Variants in ZBTB20 observed in about 807,000 individuals in gnomAD.
ZBTB20 encodes zinc finger and BTB domain-containing protein 20.
A neutral mutation model predicts 56.9 loss-of-function variants in ZBTB20; 9 were observed. That is an observed-to-expected ratio of 0.16 (90% CI 0.10 to 0.28). ZBTB20 has a LOEUF of 0.28. Among genes scored for constraint, ZBTB20 ranks in the 10% least tolerant of loss-of-function variants. The probability of loss-of-function intolerance (pLI) is 1.00; values close to 1 mark genes in which losing one functional copy is unlikely to be tolerated. For synonymous variants in ZBTB20, 417 were observed against 420.7 expected (o/e 0.99, Z 0.11); for missense variants, 655 against 1,003.0 (o/e 0.65, Z 4.69).
chr3:115,028,056 T>C (rs1438362060), intron 2 of ZBTB20, among the ~76,000 whole-genome samples: 1 of 150,866 alleles, frequency 6.6e-6, no homozygotes, highest in Non-Finnish European at 1.5e-5. Flanking sequence ...ATCCATTCAT[T>C]ATTTTTCAAG....
At chr3:114,886,073 C>G (rs934531013) in intron 4 of ZBTB20, among the ~76,000 whole-genome samples, 1 of 152,222 alleles carries the variant, frequency 6.6e-6, no homozygotes, top group African/African-American at 2.4e-5. Flanking sequence ...TCACCTTCTG[C>G]TCCCTCTACC....
chr3:114,958,108 G>A (rs1486722658), intron 3 of ZBTB20, among the ~76,000 whole-genome samples: 1 of 152,148 alleles, frequency 6.6e-6, no homozygotes, highest in Non-Finnish European at 1.5e-5. Flanking sequence ...TTTCAGAAGT[G>A]AGATTTTCCT....
chr3:114,893,769 C>G (rs569961332), intron 4 of ZBTB20, among the ~76,000 whole-genome samples: 2 of 151,878 alleles, frequency 1.3e-5, no homozygotes, highest in Non-Finnish European at 2.9e-5. Context: ...GTAGAAAGCA[C>G]AAGTGCTGAG....
At chr3:114,344,988 A>T (rs75766066) in intron 11 of ZBTB20, among the ~76,000 whole-genome samples, 51 of 137,488 alleles carry the variant, frequency 3.7e-4, no homozygotes, top group African/African-American at 1.3e-3. Flanking sequence ...GTAAAAAAAA[A>T]ACACGAAAGT....
intron 6 of ZBTB20, among the ~76,000 whole-genome samples, chr3:114,645,184 ATATT>A (rs2107948429): frequency 6.6e-6 from 1 of 152,284 alleles, no homozygotes; most frequent in East Asian, 1.9e-4. Flanking sequence ...GTAGGAGACT[ATATT>A]GGCGAGTTAA....
At chr3:114,819,445 T>C (rs1321407287) in intron 4 of ZBTB20, among the ~76,000 whole-genome samples, 1 of 151,830 alleles carries the variant, frequency 6.6e-6, no homozygotes, top group Non-Finnish European at 1.5e-5. Context: ...CACAAACTTA[T>C]TTTGAAGCTC....
At chr3:114,850,829 T>A (rs1416692745) in intron 4 of ZBTB20, among the ~76,000 whole-genome samples, 1 of 152,190 alleles carries the variant, frequency 6.6e-6, no homozygotes, top group Non-Finnish European at 1.5e-5. Context: ...GGAGAGAGGA[T>A]GTTTGGGAAG....
intron 1 of ZBTB20, among the ~76,000 whole-genome samples, chr3:115,138,386 T>C (rs181630202): frequency 6.6e-6 from 1 of 152,240 alleles, no homozygotes; most frequent in African/African-American, 2.4e-5. Flanking sequence ...TGAAGAGTTA[T>C]ATTTTAAAAA....
Position 115,052,540 on chromosome 3 carries a change from T to C in ZBTB20, c.-507+18679A>G, listed in dbSNP as rs201639837. Reference sequence around the variant, plus strand: ...AGTTAAAGAGATGAGATTATAATTATATTGCACTAATAAATGGAAATTCGT... The same window carrying C: ...AGTTAAAGAGATGAGATTATAATTACATTGCACTAATAAATGGAAATTCGT... On this transcript the variant is annotated intron_variant, in intron 2 of 11. Transcript: ENST00000675478. Among the ~76,000 whole-genome samples the C allele has an allele frequency of 2.0e-5, 3 of 152,218 alleles. No individual in the cohort carries two copies. In the East Asian group the frequency reaches 5.8e-4, roughly 29 times the overall value.
intron 7 of ZBTB20, among the ~76,000 whole-genome samples, chr3:114,464,524 C>T (rs765554873): frequency 1.7e-4 from 26 of 152,170 alleles, no homozygotes; most frequent in Non-Finnish European, 2.4e-4. Context: ...TAAATATGCA[C>T]TCTCCCACAA....
chr3:114,743,160 A>G (rs2066748025), intron 5 of ZBTB20, among the ~76,000 whole-genome samples: 1 of 152,176 alleles, frequency 6.6e-6, no homozygotes, highest in Non-Finnish European at 1.5e-5. Flanking sequence ...GAATACAAAG[A>G]AGACTATGTT....
At chr3:114,355,598 C>A (rs543236636) in intron 10 of ZBTB20, among the ~76,000 whole-genome samples, 1 of 152,280 alleles carries the variant, frequency 6.6e-6, no homozygotes, top group South Asian at 2.1e-4. Context: ...AAAGTTTCTG[C>A]CACAGCAAGG....
intron 5 of ZBTB20, among the ~76,000 whole-genome samples, chr3:114,713,688 A>G (rs958892025): frequency 6.6e-6 from 1 of 152,194 alleles, no homozygotes; most frequent in South Asian, 2.1e-4. Context: ...TTGAAGGGTA[A>G]TATCTTCTTT....
At chr3:114,807,033 TTTTG>T (rs1187275711) in intron 4 of ZBTB20, among the ~76,000 whole-genome samples, 37 of 152,182 alleles carry the variant, frequency 2.4e-4, no homozygotes, top group African/African-American at 8.9e-4. Context: ...CGTTATCTAA[TTTTG>T]TTTTCCTTTT....
At chr3:114,844,520 CAAAAA>C (rs71146342) in intron 4 of ZBTB20, among the ~76,000 whole-genome samples, 120 of 22,784 alleles carry the variant, frequency 5.3e-3, no homozygotes, top group Admixed American at 0.013. Flanking sequence ...GTCCCTGTCT[CAAAAA>C]AAAAAAAAAA....
chr3:114,622,500 T>C (rs1290414865), intron 6 of ZBTB20, among the ~76,000 whole-genome samples: 4 of 152,194 alleles, frequency 2.6e-5, no homozygotes, highest in Admixed American at 6.5e-5. Flanking sequence ...GAATTTAATG[T>C]GCCTCACAAA....
chr3:114,512,816 T>C (rs1049716595), intron 6 of ZBTB20, among the ~76,000 whole-genome samples: 9 of 152,114 alleles, frequency 5.9e-5, no homozygotes, highest in African/African-American at 2.2e-4. Context: ...CTAAGATACA[T>C]ATCTCAAGTT....
At chr3:114,888,134 T>C (rs887694535) in intron 4 of ZBTB20, among the ~76,000 whole-genome samples, 2 of 151,244 alleles carry the variant, frequency 1.3e-5, no homozygotes, top group African/African-American at 2.4e-5. Context: ...AGAAAATTAA[T>C]AGGCTGGGTG....
At position 114,773,302 on chromosome 3, in the gene ZBTB20, G is replaced by C. The variant is rs187893198; in HGVS notation, c.-343+27799C>G. The stretch of plus-strand genomic sequence containing the variant: ...AATTTGTATTGTCATAAGCTGCTAA[G>C]TTTGTGGTTGGTACAACAGCAACAG... On this transcript the variant is annotated intron_variant, in intron 5 of 11. Transcript: ENST00000675478. Among the ~76,000 whole-genome samples, 14 of 152,294 alleles carry C rather than the reference G, an allele frequency of 9.2e-5. No homozygotes were observed. In the East Asian group the frequency reaches 2.7e-3, roughly 29 times the overall value.
Sources: allele counts gnomAD v4.1 joint callset (sites outside exome capture counted in the v4.1 genomes callset), GRCh38; gene constraint gnomAD v4.1.1; transcripts MANE v1.5; gene names NCBI Gene and HGNC (gene_info 2026-07-23, HGNC 2026-07-21).